NDE1: variants seen among roughly 807,000 people sequenced by gnomAD.
The protein encoded by NDE1 is nudE neurodevelopment protein 1.
A neutral mutation model predicts 43.4 loss-of-function variants in NDE1; 28 were observed. The ratio of observed to expected loss-of-function variants is 0.65; its 90% CI spans 0.48 to 0.89. NDE1 has a LOEUF of 0.89. Among genes scored for constraint, NDE1 ranks in the 40% least tolerant of loss-of-function variants. NDE1 has a pLI of 0.00. For synonymous variants in NDE1, 184 were observed against 172.0 expected (o/e 1.07, Z -0.55); for missense variants, 441 against 434.1 (o/e 1.02, Z -0.14).
intron 8 of NDE1, chr16:15,714,895 C>T (rs1223141028): frequency 1.2e-6 from 2 of 1,613,032 alleles, no homozygotes; most frequent in South Asian, 1.1e-5. Context: ...CCTCCCGGGC[C>T]ACGGGCTCCT....
intron 6 of NDE1, among the ~76,000 whole-genome samples, chr16:15,692,997 TTC>T (rs1265673604): frequency 2.0e-5 from 3 of 150,212 alleles, no homozygotes; most frequent in East Asian, 1.9e-4. Flanking sequence ...TGAAATTTCT[TTC>T]TCTCTTTTTT....
At chr16:15,683,730 T>A (rs2038296976) in intron 4 of NDE1, among the ~76,000 whole-genome samples, 1 of 152,190 alleles carries the variant, frequency 6.6e-6, no homozygotes, top group Non-Finnish European at 1.5e-5. Context: ...TATTTCAAAG[T>A]AAATACGCTA....
intron 5 of NDE1, among the ~76,000 whole-genome samples, chr16:15,688,167 C>T (rs1021073496): frequency 6.6e-6 from 1 of 151,822 alleles, no homozygotes; most frequent in Admixed American, 6.6e-5. Context: ...CAGAGTGAGA[C>T]CCTGTCTCTT....
At chr16:15,670,146 C>G (rs868584052) in intron 3 of NDE1, among the ~76,000 whole-genome samples, 2 of 152,200 alleles carry the variant, frequency 1.3e-5, no homozygotes, top group African/African-American at 4.8e-5. Context: ...GGGGCCCTGG[C>G]ATGTCTGTGT....
At chr16:15,685,953 A>AT (rs112767652) in intron 4 of NDE1, among the ~76,000 whole-genome samples, 2,109 of 138,296 alleles carry the variant, frequency 0.015, 43 homozygotes, top group African/African-American at 0.044. Context: ...TTCCTGTAGG[A>AT]TTTTTTTTTT....
intron 8 of NDE1, chr16:15,718,899 A>G (rs112099264): frequency 0.014 from 5,759 of 417,392 alleles, 292 homozygotes; most frequent in African/African-American, 0.11. Context: ...AGGCCAAGGT[A>G]GGAGGATCAC....
intron 5 of NDE1, among the ~76,000 whole-genome samples, chr16:15,690,848 C>T (rs941918707): frequency 4.6e-5 from 7 of 152,114 alleles, no homozygotes; most frequent in African/African-American, 1.7e-4. Flanking sequence ...GCTCTTGTCA[C>T]CCAGACTGGA....
chr16:15,681,058 A>AGTCTC (rs1299477477), intron 4 of NDE1, among the ~76,000 whole-genome samples: 1 of 150,324 alleles, frequency 6.7e-6, no homozygotes, highest in African/African-American at 2.5e-5. Context: ...TCACTAGGGA[A>AGTCTC]GTCTCCTTGG....
In NDE1 at chr16:15,724,569, C is replaced by T. The variant is rs1036498925; in HGVS notation, c.*318C>T. The T allele has an allele frequency of 6.6e-5, 106 of 1,610,112 alleles. No homozygotes were observed. Among genetic ancestry groups the T allele is most frequent in the African/African-American group, 2.8e-4 (21 of 74,826 alleles). On this transcript the variant is annotated 3_prime_UTR_variant, in exon 9 of 9. Transcript: ENST00000396354. Reference sequence around the variant, plus strand: ...AAGCACCATCGCACCAACACTCCACCGCGATCTGCCTGCGGGGGATCTCAG... The same window carrying T: ...AAGCACCATCGCACCAACACTCCACTGCGATCTGCCTGCGGGGGATCTCAG...
chr16:15,722,615 AGAG>A (rs1194963241), intron 8 of NDE1, among the ~76,000 whole-genome samples: 2 of 152,222 alleles, frequency 1.3e-5, no homozygotes, highest in African/African-American at 2.4e-5. Flanking sequence ...CTGACAGCCC[AGAG>A]GAGAGGTAGC....
chr16:15,715,802 A>G (rs939742184), intron 8 of NDE1, among the ~76,000 whole-genome samples: 1 of 152,122 alleles, frequency 6.6e-6, no homozygotes, highest in African/African-American at 2.4e-5. Flanking sequence ...GTACACCAGC[A>G]TGCTCAGACT....
chr16:15,697,472 GC>G lies in NDE1; in HGVS notation c.947+614del, dbSNP rs540897415. On this transcript the variant is annotated intron_variant, in intron 8 of 8. Transcript: ENST00000396354. The stretch of plus-strand genomic sequence containing the variant: ...GCCTGTAATCCCAGCAGTCTGGGAG[GC>G]CAAGGCAGGTGGATCACTTGAGGTC... Among the ~76,000 whole-genome samples the G allele has an allele frequency of 2.2e-4, 34 of 152,240 alleles. No individual in the cohort carries two copies. In the East Asian group the frequency reaches 4.8e-3, roughly 22 times the overall value.
chr16:15,694,013 GC>G, intron 6 of NDE1, 151 bp from the exon 7 acceptor site: 1 of 881,138 alleles, frequency 1.1e-6, no homozygotes, highest in Non-Finnish European at 1.8e-6. Flanking sequence ...GGTGTGTGAT[GC>G]GGTTAACTAC....
At chr16:15,685,490 G>A (rs1044366547) in intron 4 of NDE1, among the ~76,000 whole-genome samples, 11 of 152,024 alleles carry the variant, frequency 7.2e-5, no homozygotes, top group African/African-American at 2.7e-4. Context: ...GCCTCAAGCG[G>A]TCCTCACACC....
At chr16:15,718,276 C>T (rs752164134) in intron 8 of NDE1, 5 of 1,605,570 alleles carry the variant, frequency 3.1e-6, no homozygotes, top group Non-Finnish European at 4.2e-6. Context: ...GCAGGAGAGA[C>T]AGTAGGCAGC....
At chr16:15,682,939 C>G (rs1275242111) in intron 4 of NDE1, among the ~76,000 whole-genome samples, 2 of 152,010 alleles carry the variant, frequency 1.3e-5, no homozygotes, top group East Asian at 3.9e-4. Flanking sequence ...GTCCTGACCT[C>G]AAGCGATCCA....
Position 15,720,139 on chromosome 16 carries a change from A to G in NDE1, c.948-4052A>G, listed in dbSNP as rs201595239. 2.0e-4 allele frequency: 319 copies of G among 1,613,958 alleles called. 3 individuals carry two copies. In the East Asian group the frequency reaches 7.0e-3, roughly 35 times the overall value. On this transcript the variant is annotated intron_variant, in intron 8 of 8. Coordinates refer to ENST00000396354, the MANE Select transcript of NDE1 (RefSeq NM_017668.3). ...CCCTCCACCCATGCCCCAAGCTCCTAGTGTCACCCACCTGCAGTTTGCGTA... is the reference window on the plus strand; with the variant it reads ...CCCTCCACCCATGCCCCAAGCTCCTGGTGTCACCCACCTGCAGTTTGCGTA...
At chr16:15,689,848 G>C (rs555030302) in intron 5 of NDE1, among the ~76,000 whole-genome samples, 4 of 112,580 alleles carry the variant, frequency 3.6e-5, no homozygotes, top group Non-Finnish European at 5.3e-5. Flanking sequence ...GCTGAGGCAG[G>C]AGAATCACTT....
In NDE1 at chr16:15,703,902, G is replaced by A. The variant is rs1226800337; in HGVS notation, c.947+7042G>A. The A allele has an allele frequency of 1.9e-6, 3 of 1,559,580 alleles. No individual in the cohort carries two copies. In the Admixed American group the frequency reaches 5.0e-5, roughly 26 times the overall value. On this transcript the variant is annotated intron_variant, in intron 8 of 8. Coordinates refer to ENST00000396354, the MANE Select transcript of NDE1 (RefSeq NM_017668.3). ...TGCTAAGTACAGTCTGCTGGGTTTT[G>A]CTTTGTTCTGGGTTGTTGTTGGGTT...
Sources: allele counts gnomAD v4.1 joint callset (sites outside exome capture counted in the v4.1 genomes callset), GRCh38; gene constraint gnomAD v4.1.1; transcripts MANE v1.5; gene names NCBI Gene and HGNC (gene_info 2026-07-23, HGNC 2026-07-21).